The following GPHN variants were observed in gnomAD, a reference collection of about 807,000 sequenced individuals.
GPHN encodes gephyrin.
A neutral mutation model predicts 95.5 loss-of-function variants in GPHN; 17 were observed. The ratio of observed to expected loss-of-function variants is 0.18; its 90% CI spans 0.12 to 0.27. The LOEUF (loss-of-function observed/expected upper bound fraction) is 0.27. GPHN is among the 10% of genes least tolerant of loss of function. GPHN has a pLI of 1.00. For synonymous variants in GPHN, 320 were observed against 322.5 expected, an observed-to-expected ratio of 0.99 and a Z score of 0.08; for missense variants, 660 against 978.1, an observed-to-expected ratio of 0.67 and a Z score of 4.34.
intron 1 of GPHN, among the ~76,000 whole-genome samples, chr14:66,589,194 G>T (rs947901355): frequency 6.6e-6 from 1 of 152,136 alleles, no homozygotes; most frequent in African/African-American, 2.4e-5. Context: ...GAGAGATTTT[G>T]TCACCACCAG....
intron 20 of GPHN, among the ~76,000 whole-genome samples, chr14:67,165,952 C>CT (rs971713273): frequency 2.6e-5 from 4 of 151,984 alleles, no homozygotes; most frequent in Admixed American, 6.6e-5. Flanking sequence ...TATTGTGCAT[C>CT]TTTTTTTTAA....
the GPHN span, chr14:67,393,039 T>A: frequency 1.1e-6 from 1 of 949,266 alleles, no homozygotes; most frequent in Admixed American, 1.8e-5. Context: ...GCTAGCCTGT[T>A]GCCCAGCAGG....
At chr14:67,282,529 T>C in the GPHN span, among the ~76,000 whole-genome samples, 22,713 of 152,100 alleles carry the variant, frequency 0.15, 3,179 homozygotes, top group East Asian at 0.42. Context: ...TTTGTAAATT[T>C]GACAATGTAT....
At chr14:66,588,957 G>A (rs1318370270) in intron 1 of GPHN, among the ~76,000 whole-genome samples, 1 of 152,058 alleles carries the variant, frequency 6.6e-6, no homozygotes, top group Non-Finnish European at 1.5e-5. Flanking sequence ...TGAAATGAAG[G>A]AGAAAATGTT....
chr14:66,927,014 A>G (rs1469017819), intron 8 of GPHN, among the ~76,000 whole-genome samples: 1 of 152,054 alleles, frequency 6.6e-6, no homozygotes, highest in Non-Finnish European at 1.5e-5. Flanking sequence ...AAATGGGATT[A>G]CTTTCTTAAT....
chr14:66,598,983 G>A (rs1192275762), intron 1 of GPHN, among the ~76,000 whole-genome samples: 4 of 152,068 alleles, frequency 2.6e-5, no homozygotes, highest in Admixed American at 6.6e-5. Flanking sequence ...TTTTTTATAC[G>A]TTGTGCATAA....
the GPHN span, among the ~76,000 whole-genome samples, chr14:67,252,454 A>G: frequency 6.6e-6 from 1 of 152,120 alleles, no homozygotes; most frequent in Non-Finnish European, 1.5e-5. Context: ...CGTGCTCAGC[A>G]TTTAGCAAAC....
intron 10 of GPHN, among the ~76,000 whole-genome samples, chr14:67,056,155 T>C (rs1407801415): frequency 6.6e-6 from 1 of 152,258 alleles, no homozygotes; most frequent in Admixed American, 6.5e-5. Flanking sequence ...TTCCCTTATC[T>C]GACCTCACCC....
chr14:67,359,432 G>T, the GPHN span, among the ~76,000 whole-genome samples: 1 of 152,164 alleles, frequency 6.6e-6, no homozygotes, highest in African/African-American at 2.4e-5. Flanking sequence ...CCGCCGGCCG[G>T]GCGCCTTTTC....
At chr14:67,226,098 T>G in the GPHN span, among the ~76,000 whole-genome samples, 1 of 152,250 alleles carries the variant, frequency 6.6e-6, no homozygotes, top group Non-Finnish European at 1.5e-5. Flanking sequence ...GCTGATGGAA[T>G]CAAGGTGCTC....
intron 1 of GPHN, among the ~76,000 whole-genome samples, chr14:66,641,412 G>A (rs945250545): frequency 2.6e-5 from 4 of 152,104 alleles, no homozygotes; most frequent in Admixed American, 2.6e-4. Flanking sequence ...GGTTTCTCAG[G>A]ATATAGCCTC....
the GPHN span, among the ~76,000 whole-genome samples, chr14:67,335,984 G>A: frequency 6.6e-6 from 1 of 152,212 alleles, no homozygotes; most frequent in Admixed American, 6.5e-5. Flanking sequence ...GCCCCCTGTT[G>A]GCACAGGTAT....
the GPHN span, among the ~76,000 whole-genome samples, chr14:67,499,261 C>G: frequency 6.6e-6 from 1 of 152,130 alleles, no homozygotes; most frequent in Non-Finnish European, 1.5e-5. Context: ...GCCTCGACCT[C>G]CCAAGGCACT....
chr14:67,702,277 G>GT, the GPHN span, among the ~76,000 whole-genome samples: 3 of 152,044 alleles, frequency 2.0e-5, no homozygotes, highest in Admixed American at 2.0e-4. Context: ...CCTGTGCTCA[G>GT]TTTTTTAAGT....
At chr14:66,700,056 AT>A (rs1328516582) in intron 2 of GPHN, among the ~76,000 whole-genome samples, 1 of 152,194 alleles carries the variant, frequency 6.6e-6, no homozygotes, top group African/African-American at 2.4e-5. Context: ...AACAATTAAA[AT>A]TGTGTGTCTT....
In GPHN at chr14:66,718,185, G is replaced by A. The variant is rs145414253; in HGVS notation, c.143+37000G>A. ...TTCAAGAATGAAGCTGTGGACCCTC[G>A]CAGTGAGTGTTACAGTTCTTAAAGA... On this transcript the variant is annotated intron_variant, in intron 2 of 22. Coordinates refer to ENST00000478722, the MANE Select transcript of GPHN (RefSeq NM_020806.5). Among the ~76,000 whole-genome samples, 1,161 of 152,212 alleles carry A rather than the reference G, an allele frequency of 7.6e-3. 6 individuals are homozygous for A. The highest frequency in any genetic ancestry group is 0.026 in the African/African-American group (1,091 of 41,516).
At chr14:66,565,655 A>G (rs964345798) in intron 1 of GPHN, among the ~76,000 whole-genome samples, 1 of 152,156 alleles carries the variant, frequency 6.6e-6, no homozygotes, top group African/African-American at 2.4e-5. Context: ...TAGGACTAAA[A>G]TAATCAATGT....
At chr14:66,510,464 T>G (rs899320147) in intron 1 of GPHN, among the ~76,000 whole-genome samples, 1 of 152,248 alleles carries the variant, frequency 6.6e-6, no homozygotes, top group Non-Finnish European at 1.5e-5. Context: ...CAGACTGCTT[T>G]GAAAGATGCA....
chr14:67,607,364 T>C, the GPHN span, among the ~76,000 whole-genome samples: 2 of 151,968 alleles, frequency 1.3e-5, no homozygotes, highest in Non-Finnish European at 2.9e-5. Flanking sequence ...GCTTTGTTTG[T>C]TTGTTTTTGT....
Sources: allele counts gnomAD v4.1 joint callset (sites outside exome capture counted in the v4.1 genomes callset), GRCh38; gene constraint gnomAD v4.1.1; transcripts MANE v1.5; gene names NCBI Gene and HGNC (gene_info 2026-07-23, HGNC 2026-07-21).